KIAA1217: variants seen among roughly 807,000 people sequenced by gnomAD.
The protein encoded by KIAA1217 is sickle tail protein homolog.
KIAA1217 carries 88 observed loss-of-function variants against 163.9 expected under a neutral mutation model. The ratio of observed to expected loss-of-function variants is 0.54; its 90% CI spans 0.45 to 0.64. The LOEUF is 0.64. Ranked by LOEUF, KIAA1217 falls within the 30% of genes least tolerant of loss-of-function variation. The pLI is 0.00. For missense variants in KIAA1217, 2,372 were observed against 2,475.0 expected, an observed-to-expected ratio of 0.96 and a Z score of 0.88; for synonymous variants, 903 against 923.1, an observed-to-expected ratio of 0.98 and a Z score of 0.39.
rs111363091 is a variant in KIAA1217, at chr10:24,389,979, G to A, written c.553+8912G>A. ...GTGCTGGCAGCTTCCAATCAAGGCA[G>A]CATGGCTTTGGAATCACACCTGACC... On this transcript the variant is annotated intron_variant, in intron 3 of 20. Coordinates refer to ENST00000376454, the MANE Select transcript of KIAA1217 (RefSeq NM_019590.5). Among the ~76,000 whole-genome samples the A allele has an allele frequency of 8.7e-3, 1,321 of 152,310 alleles. 18 individuals carry two copies. Among genetic ancestry groups the A allele is most frequent in the African/African-American group, 0.03 (1,234 of 41,570 alleles).
At chr10:24,383,110 A>G (rs768905376) in intron 3 of KIAA1217, among the ~76,000 whole-genome samples, 5 of 152,030 alleles carry the variant, frequency 3.3e-5, no homozygotes, top group Non-Finnish European at 7.4e-5. Flanking sequence ...ACCTCACAAA[A>G]TGCTGGGATT....
chr10:23,878,526 G>A (rs77386214), intron 1 of KIAA1217, among the ~76,000 whole-genome samples: 25 of 152,026 alleles, frequency 1.6e-4, no homozygotes, highest in African/African-American at 5.1e-4. Flanking sequence ...TATTTTGAGA[G>A]AGAAGCAGAA....
chr10:24,228,823 C>G (rs1014980611), intron 2 of KIAA1217, among the ~76,000 whole-genome samples: 1 of 152,122 alleles, frequency 6.6e-6, no homozygotes, highest in Admixed American at 6.5e-5. Context: ...TTTTGTTATA[C>G]CTAGCACTTT....
At chr10:23,760,499 T>C (rs1303199094) in intron 1 of KIAA1217, among the ~76,000 whole-genome samples, 2 of 152,240 alleles carry the variant, frequency 1.3e-5, no homozygotes, top group African/African-American at 4.8e-5. Flanking sequence ...GAGTGGACAA[T>C]GTGCAGAAGT....
At chr10:23,858,966 T>C (rs1211435689) in intron 1 of KIAA1217, among the ~76,000 whole-genome samples, 1 of 152,114 alleles carries the variant, frequency 6.6e-6, no homozygotes, top group Non-Finnish European at 1.5e-5. Flanking sequence ...CTCCAAGGGG[T>C]TTAGAGTTTC....
intron 2 of KIAA1217, among the ~76,000 whole-genome samples, chr10:24,123,848 T>C (rs1004777238): frequency 6.6e-6 from 1 of 152,218 alleles, no homozygotes; most frequent in African/African-American, 2.4e-5. Context: ...CTCTTAGATG[T>C]AAGGACTTTC....
chr10:23,701,580 C>T (rs191725896), intron 1 of KIAA1217, among the ~76,000 whole-genome samples: 114 of 152,216 alleles, frequency 7.5e-4, no homozygotes, highest in African/African-American at 2.5e-3. Context: ...GTTATGAGGT[C>T]GTATCAATTA....
chr10:23,786,463 CT>C (rs1257474153), intron 1 of KIAA1217, among the ~76,000 whole-genome samples: 8 of 151,042 alleles, frequency 5.3e-5, no homozygotes, highest in African/African-American at 1.9e-4. Context: ...ATTGTCTTGA[CT>C]TTTCCGGCTA....
In KIAA1217 at chr10:24,404,372, T is replaced by C. The variant is rs7068457; in HGVS notation, c.553+23305T>C. ...TCACAAGGTCGGGAGATGGAGACCC[T>C]CCTGGCCAACATGGTGAAACCCTGT... On this transcript the variant is annotated intron_variant, in intron 3 of 20. Coordinates refer to ENST00000376454, the MANE Select transcript of KIAA1217 (RefSeq NM_019590.5). Among the ~76,000 whole-genome samples the C allele has an allele frequency of 1.0e-3, 152 of 151,656 alleles. 1 individual carries two copies. Among genetic ancestry groups the C allele is most frequent in the Non-Finnish European group, 1.1e-3 (72 of 67,850 alleles).
intron 3 of KIAA1217, among the ~76,000 whole-genome samples, chr10:24,424,941 C>T (rs1388948678): frequency 3.3e-5 from 5 of 152,182 alleles, no homozygotes; most frequent in Non-Finnish European, 2.9e-5. Flanking sequence ...AATACAGTCT[C>T]TTAAAGATAT....
chr10:23,767,868 T>A (rs1439526237), intron 1 of KIAA1217, among the ~76,000 whole-genome samples: 3 of 152,188 alleles, frequency 2.0e-5, no homozygotes, highest in African/African-American at 7.2e-5. Flanking sequence ...ACCCAGAGCG[T>A]AGGGTGTAAG....
At chr10:24,474,749 T>C (rs1271885503) in intron 6 of KIAA1217, among the ~76,000 whole-genome samples, 1 of 152,222 alleles carries the variant, frequency 6.6e-6, no homozygotes, top group Non-Finnish European at 1.5e-5. Context: ...TTGAAAACCT[T>C]CCAAAGTTCA....
In KIAA1217 at chr10:24,546,447, G is replaced by A; in HGVS notation, c.*123G>A. On this transcript the variant is annotated 3_prime_UTR_variant, in exon 21 of 21. Coordinates refer to ENST00000376454, the MANE Select transcript of KIAA1217 (RefSeq NM_019590.5). ...TCGTTTGAGGCTTAATGCTAAATAT[G>A]TGCTAAATACTGGATTAATAGATTT... 3 of 1,020,550 alleles carry A rather than the reference G, an allele frequency of 2.9e-6. No homozygotes were observed. The highest frequency in any genetic ancestry group is 4.2e-6 in the Non-Finnish European group (3 of 710,842). The allele number at this position is 1,020,550 out of a possible 1,614,324, so 63.2% of individuals were successfully genotyped here. A position where few individuals can be genotyped will look rare whatever the true frequency, so the allele number is the denominator to read the frequency against.
At chr10:24,096,907 T>C (rs2062185539) in intron 2 of KIAA1217, among the ~76,000 whole-genome samples, 1 of 152,196 alleles carries the variant, frequency 6.6e-6, no homozygotes, top group Admixed American at 6.5e-5. Flanking sequence ...GAGCCAAGGA[T>C]GATGTATATA....
At chr10:24,088,281 A>AT (rs1340105798) in intron 2 of KIAA1217, among the ~76,000 whole-genome samples, 1 of 108,124 alleles carries the variant, frequency 9.2e-6, no homozygotes, top group East Asian at 2.0e-4. Context: ...ATATACACAC[A>AT]TATATGTGTA....
chr10:24,297,340 A>G lies in KIAA1217; in HGVS notation c.354+77431A>G, dbSNP rs575573177. 1.0e-3 allele frequency among the ~76,000 whole-genome samples: 159 copies of G among 152,324 alleles called. 1 individual carries two copies. Among genetic ancestry groups the G allele is most frequent in the Admixed American group, 2.3e-3 (35 of 15,304 alleles). ...GTTTCTCCTCAGTGTGACGTAAGTA[A>G]CTACCATGAGTTTGCCTAATGGAAG... On this transcript the variant is annotated intron_variant, in intron 2 of 20. Coordinates refer to ENST00000376454, the MANE Select transcript of KIAA1217 (RefSeq NM_019590.5).
At chr10:23,742,157 C>T (rs569236172) in intron 1 of KIAA1217, among the ~76,000 whole-genome samples, 6 of 152,164 alleles carry the variant, frequency 3.9e-5, no homozygotes, top group African/African-American at 1.2e-4. Context: ...TTGGTGGAGT[C>T]GCTCTGGGGT....
intron 2 of KIAA1217, among the ~76,000 whole-genome samples, chr10:24,274,288 T>C (rs2077051590): frequency 6.6e-6 from 1 of 152,022 alleles, no homozygotes; most frequent in Non-Finnish European, 1.5e-5. Context: ...CAGGAGTTCA[T>C]GACCAGCCAC....
At chr10:24,461,414 G>A (rs1268157842) in intron 5 of KIAA1217, among the ~76,000 whole-genome samples, 1 of 152,168 alleles carries the variant, frequency 6.6e-6, no homozygotes, top group Non-Finnish European at 1.5e-5. Context: ...GAGTACAGCT[G>A]CATAATCTTG....
Sources: gnomAD v4.1 joint callset for allele counts (sites outside exome capture counted in the v4.1 genomes callset) on GRCh38, gnomAD v4.1.1 for gene constraint, MANE v1.5 for transcripts, NCBI Gene and HGNC (gene_info 2026-07-23, HGNC 2026-07-21) for gene names.